NIPBL: variants seen among roughly 807,000 people sequenced by gnomAD.
NIPBL encodes the protein nipped-B-like protein.
Under a neutral mutation model 321.8 loss-of-function variants are expected in NIPBL, and 19 were observed. That is an observed-to-expected ratio of 0.06 (90% confidence interval 0.04 to 0.09). NIPBL has a LOEUF of 0.09. Among genes scored for constraint, NIPBL ranks in the 10% least tolerant of loss-of-function variants. The pLI is 1.00. For missense variants in NIPBL, 2,210 were observed against 3,327.0 expected, an observed-to-expected ratio of 0.66 and a Z score of 8.26; for synonymous variants, 1,106 against 1,114.1, an observed-to-expected ratio of 0.99 and a Z score of 0.14.
At chr5:36,979,227 A>C (rs1177340873) in intron 9 of NIPBL, among the ~76,000 whole-genome samples, 2 of 151,982 alleles carry the variant, frequency 1.3e-5, no homozygotes, top group South Asian at 2.1e-4. Flanking sequence ...TGACCATGGA[A>C]TGTTTTTGAT....
At chr5:36,885,238 C>T in intron 1 of NIPBL, 2 of 533,056 alleles carry the variant, frequency 3.8e-6, no homozygotes, top group Non-Finnish European at 7.6e-6. Context: ...CCTTCTCCAC[C>T]AACTACTGGT....
intron 42 of NIPBL, among the ~76,000 whole-genome samples, chr5:37,055,972 CAT>C: frequency 6.6e-6 from 1 of 152,174 alleles, no homozygotes; most frequent in East Asian, 1.9e-4. Flanking sequence ...TGAGTGGTAT[CAT>C]GTCTCCTTTA....
intron 3 of NIPBL, among the ~76,000 whole-genome samples, chr5:36,956,836 G>A (rs1352161364): frequency 6.6e-6 from 1 of 151,720 alleles, no homozygotes; most frequent in Non-Finnish European, 1.5e-5. Context: ...TATTGGCCAG[G>A]CTGGTCTCAA....
chr5:36,882,520 A>G (rs777576718), intron 1 of NIPBL, among the ~76,000 whole-genome samples: 1 of 151,980 alleles, frequency 6.6e-6, no homozygotes, highest in Non-Finnish European at 1.5e-5. Flanking sequence ...TACTTTACCC[A>G]TAAGCCTTAA....
intron 1 of NIPBL, among the ~76,000 whole-genome samples, chr5:36,892,512 A>C (rs540576749): frequency 6.6e-6 from 1 of 152,304 alleles, no homozygotes; most frequent in Non-Finnish European, 1.5e-5. Context: ...GGCACTATTC[A>C]CAATAGCAAA....
chr5:37,032,951 G>A (rs1751238772), intron 32 of NIPBL, among the ~76,000 whole-genome samples: 1 of 152,154 alleles, frequency 6.6e-6, no homozygotes, highest in South Asian at 2.1e-4. Context: ...TTTTTTAAGT[G>A]AGCAAGCTAA....
At chr5:36,909,905 G>A (rs772548160) in intron 1 of NIPBL, among the ~76,000 whole-genome samples, 4 of 152,038 alleles carry the variant, frequency 2.6e-5, no homozygotes, top group African/African-American at 4.8e-5. Flanking sequence ...GTGAAACCCC[G>A]CCTTTACTCA....
At chr5:37,019,517 C>A (rs1186446269) in intron 25 of NIPBL, 117 bp downstream of exon 25, 1 of 735,302 alleles carries the variant, frequency 1.4e-6, no homozygotes, top group South Asian at 1.5e-5. Flanking sequence ...TATTGATTTT[C>A]AAAACAAAGG....
chr5:37,042,937 G>A (rs1752591004), intron 34 of NIPBL, among the ~76,000 whole-genome samples: 1 of 151,452 alleles, frequency 6.6e-6, no homozygotes, highest in Non-Finnish European at 1.5e-5. Flanking sequence ...AACTTTGATT[G>A]CCTTTGGGGA....
At chr5:36,973,726 C>G (rs541120220) in intron 8 of NIPBL, among the ~76,000 whole-genome samples, 91 of 152,280 alleles carry the variant, frequency 6.0e-4, no homozygotes, top group African/African-American at 2.0e-3. Context: ...GCCTCGGCCT[C>G]CCAAAGTGCT....
intron 1 of NIPBL, among the ~76,000 whole-genome samples, chr5:36,952,057 C>CGCGCGT (rs1192500333): frequency 2.7e-5 from 2 of 74,660 alleles, no homozygotes; most frequent in Admixed American, 1.3e-4. Flanking sequence ...TGTGTGTGCG[C>CGCGCGT]GCGCGCGCGC....
At chr5:36,883,448 T>G (rs1226673113) in intron 1 of NIPBL, among the ~76,000 whole-genome samples, 5 of 152,004 alleles carry the variant, frequency 3.3e-5, no homozygotes, top group Non-Finnish European at 7.4e-5. Context: ...TTGTTAGAAT[T>G]AACATATTTG....
At chr5:36,908,875 G>A (rs1262511739) in intron 1 of NIPBL, among the ~76,000 whole-genome samples, 1 of 152,152 alleles carries the variant, frequency 6.6e-6, no homozygotes, top group East Asian at 1.9e-4. Context: ...CAAGGTAAAG[G>A]AATGTATAAC....
rs747383102 is a variant in NIPBL, at chr5:37,048,688, A to T, written c.6763+13A>T. 1 of 1,574,954 alleles carries T rather than the reference A, an allele frequency of 6.3e-7. No homozygotes were observed. The highest frequency in any genetic ancestry group is 8.7e-7 in the Non-Finnish European group (1 of 1,148,156). On this transcript the variant is annotated intron_variant, in intron 39 of 46. Transcript: ENST00000282516. Reference sequence around the variant, plus strand: ...GCAGATAGAGACTGTAAGTGAAAATATATTTTTAAATTTCATAGCTACATT... The same window carrying T: ...GCAGATAGAGACTGTAAGTGAAAATTTATTTTTAAATTTCATAGCTACATT...
Position 36,985,698 on chromosome 5 carries a change from G to A in NIPBL, c.2518G>A (p.Val840Ile), listed in dbSNP as rs1412412365. ...SERHRGDQSR[V>I]RRPETLRSSS... Reference sequence around the variant, plus strand: ...GCGACATCGAGGGGATCAGTCTAGGGTTCGAAGACCAGAAACATTGAGATC... The same window carrying A: ...GCGACATCGAGGGGATCAGTCTAGGATTCGAAGACCAGAAACATTGAGATC... Residue 840 changes from valine (V) to isoleucine (I), a missense_variant, in exon 10 of 47, where the codon GTT (valine) becomes ATT (isoleucine). Around this residue, in one of 14 missense-constraint regions of NIPBL, gnomAD observed 588 missense variants for 564.1 expected, o/e 1.04. Transcript: ENST00000282516. 2 of 1,613,866 alleles carry A rather than the reference G, an allele frequency of 1.2e-6. No individual in the cohort carries two copies. The highest frequency in any genetic ancestry group is 8.5e-7 in the Non-Finnish European group (1 of 1,179,942).
chr5:36,994,698 T>C (rs980308896), intron 10 of NIPBL, among the ~76,000 whole-genome samples: 5 of 152,162 alleles, frequency 3.3e-5, no homozygotes, highest in Non-Finnish European at 7.4e-5. Flanking sequence ...TTAGTAATCA[T>C]TAAGGACAAA....
intron 6 of NIPBL, among the ~76,000 whole-genome samples, chr5:36,966,566 T>C (rs1298279939): frequency 6.6e-6 from 1 of 152,100 alleles, no homozygotes; most frequent in African/African-American, 2.4e-5. Context: ...GTAAATAATC[T>C]GTGGGATGAT....
In NIPBL at chr5:36,955,812, T is replaced by G. The variant is rs1740875626; in HGVS notation, c.230+175T>G. The stretch of plus-strand genomic sequence containing the variant: ...CAATAATAGATTAATGAGATTTAAG[T>G]AGGCAATATTTATTTTTAGATAATA... On this transcript the variant is annotated intron_variant, in intron 3 of 46. Coordinates refer to ENST00000282516, the MANE Select transcript of NIPBL (RefSeq NM_133433.4). Among the ~76,000 whole-genome samples the G allele has an allele frequency of 2.6e-5, 4 of 152,150 alleles. No individual in the cohort carries two copies. In the South Asian group the frequency reaches 8.3e-4, roughly 32 times the overall value.
At position 36,905,640 on chromosome 5, in the gene NIPBL, T is replaced by C. The variant is rs182721438; in HGVS notation, c.-80+28462T>C. On this transcript the variant is annotated intron_variant, in intron 1 of 46. Transcript: ENST00000282516. ...TCATAAATTATTTATTGGTTTAATTTATTTTCAATAAAAATTTCAGTGAGA... is the reference window on the plus strand; with the variant it reads ...TCATAAATTATTTATTGGTTTAATTCATTTTCAATAAAAATTTCAGTGAGA... Among the ~76,000 whole-genome samples the C allele has an allele frequency of 2.5e-4, 38 of 152,332 alleles. No homozygotes were observed. In the Middle Eastern group the frequency reaches 0.01, roughly 41 times the overall value.
Sources: gnomAD v4.1 joint callset for allele counts (sites outside exome capture counted in the v4.1 genomes callset) on GRCh38, gnomAD v4.1.1 for gene constraint, gnomAD v4.1.1 regional missense constraint, MANE v1.5 for transcripts, NCBI Gene and HGNC (gene_info 2026-07-23, HGNC 2026-07-21) for gene names.